The following TENM4 variants were observed in gnomAD, a reference collection of about 807,000 sequenced individuals.
TENM4 encodes the protein teneurin-4.
A neutral mutation model predicts 243.3 loss-of-function variants in TENM4; 82 were observed. That is an observed-to-expected ratio of 0.34 (90% confidence interval 0.28 to 0.40). The LOEUF is 0.40. TENM4 is among the 10% of genes least tolerant of loss of function. TENM4 has a pLI of 1.00. For missense variants in TENM4, 3,138 were observed against 3,673.3 expected (o/e 0.85, Z 3.77); for synonymous variants, 1,412 against 1,456.3 (o/e 0.97, Z 0.69).
intron 6 of TENM4, among the ~76,000 whole-genome samples, chr11:79,037,849 T>C (rs1256519000): frequency 6.6e-6 from 1 of 152,224 alleles, no homozygotes; most frequent in Non-Finnish European, 1.5e-5. Flanking sequence ...GAATTTGACC[T>C]GCATGAGAAT....
chr11:79,137,250 C>G (rs1191671326), intron 4 of TENM4, among the ~76,000 whole-genome samples: 1 of 152,084 alleles, frequency 6.6e-6, no homozygotes, highest in Non-Finnish European at 1.5e-5. Context: ...AGTCAACAGG[C>G]TAAGAAGGGA....
rs141423724 is a variant in TENM4 at position 79,332,668 on chromosome 11, C to G, written c.-320-35125G>C. On this transcript the variant is annotated intron_variant, in intron 1 of 33. Transcript: ENST00000278550. ...ATCCAATGTTGTTGTTCCCCCACTT[C>G]TCAGATAAATAAACTGAGACTAAGA... Among the ~76,000 whole-genome samples, 21 of 152,276 alleles carry G rather than the reference C, an allele frequency of 1.4e-4. No individual in the cohort carries two copies. In the East Asian group the frequency reaches 3.9e-3, roughly 28 times the overall value.
chr11:79,317,393 G>C (rs572958030), intron 1 of TENM4, among the ~76,000 whole-genome samples: 19 of 152,118 alleles, frequency 1.2e-4, no homozygotes, highest in Non-Finnish European at 1.9e-4. Flanking sequence ...TTCTGGGAAG[G>C]GGGGGTCAGG....
At chr11:78,734,397 T>TA (rs1029799604) in intron 20 of TENM4, among the ~76,000 whole-genome samples, 14 of 152,134 alleles carry the variant, frequency 9.2e-5, no homozygotes, top group African/African-American at 2.9e-4. Flanking sequence ...AGTTCCTACT[T>TA]ATGCAATTCC....
chr11:79,039,349 C>T (rs77497719), intron 6 of TENM4, among the ~76,000 whole-genome samples: 2,013 of 152,230 alleles, frequency 0.013, 46 homozygotes, highest in African/African-American at 0.047. Context: ...AAATCCCAGC[C>T]CCACACTTGC....
At chr11:79,396,077 TC>T (rs1858337997) in intron 1 of TENM4, among the ~76,000 whole-genome samples, 1 of 152,122 alleles carries the variant, frequency 6.6e-6, no homozygotes, top group African/African-American at 2.4e-5. Flanking sequence ...GCTCAGACCT[TC>T]CCCCTGCCTA....
At chr11:79,038,738 T>C (rs564500520) in intron 6 of TENM4, among the ~76,000 whole-genome samples, 20 of 152,344 alleles carry the variant, frequency 1.3e-4, no homozygotes, top group Non-Finnish European at 2.6e-4. Context: ...CTCTGGGCAC[T>C]AACTGCAGAA....
intron 2 of TENM4, among the ~76,000 whole-genome samples, chr11:79,275,854 T>A (rs754607824): frequency 3.3e-5 from 5 of 152,220 alleles, no homozygotes; most frequent in Non-Finnish European, 7.3e-5. Context: ...TAGACAGGCC[T>A]CCTGGTCCAG....
At chr11:78,849,058 C>T (rs1055199676) in intron 12 of TENM4, among the ~76,000 whole-genome samples, 6 of 152,202 alleles carry the variant, frequency 3.9e-5, no homozygotes, top group Non-Finnish European at 8.8e-5. Flanking sequence ...TCTAAATCCA[C>T]TGCAGGGCAC....
chr11:78,894,723 T>G (rs1855748220), intron 7 of TENM4, among the ~76,000 whole-genome samples: 1 of 152,206 alleles, frequency 6.6e-6, no homozygotes, highest in Non-Finnish European at 1.5e-5. Flanking sequence ...CCAGGTGCAG[T>G]GGCTCACACT....
intron 6 of TENM4, among the ~76,000 whole-genome samples, chr11:78,957,884 C>T (rs1305635258): frequency 1.3e-5 from 2 of 152,162 alleles, no homozygotes; most frequent in African/African-American, 2.4e-5. Flanking sequence ...ACCAGCTTTT[C>T]TTTGGTGGAA....
intron 1 of TENM4, among the ~76,000 whole-genome samples, chr11:79,430,587 G>A (rs1253648277): frequency 6.6e-6 from 1 of 152,220 alleles, no homozygotes; most frequent in Non-Finnish European, 1.5e-5. Flanking sequence ...GAAGACATTT[G>A]CATTTTTATT....
chr11:78,903,326 C>G lies in TENM4; in HGVS notation c.691G>C (p.Glu231Gln). ...CAGTTCTCCTGGGCGTGGGCAGGCTCCTGGGCGCCGCCGGCAGGGGGCTCT... is the reference window on the plus strand; with the variant it reads ...CAGTTCTCCTGGGCGTGGGCAGGCTGCTGGGCGCCGCCGGCAGGGGGCTCT... ...SGEPPAGGAQ[E>Q]PAHAQENWLL... The change falls in exon 7 of 34, where the codon GAG (glutamate) becomes CAG (glutamine). Residue 231 changes from glutamate to glutamine, a missense_variant. This residue lies in a region of TENM4 where 671 missense variants were observed against 614.1 expected (regional missense o/e 1.09). Coordinates refer to ENST00000278550, the MANE Select transcript of TENM4 (RefSeq NM_001098816.3). 6.7e-7 allele frequency: 1 copy of G among 1,483,280 alleles called. No individual in the cohort carries two copies. Among genetic ancestry groups the G allele is most frequent in the Non-Finnish European group, 8.9e-7 (1 of 1,118,324 alleles). The allele number at this position is 1,483,280 out of a possible 1,614,324, so 91.9% of individuals were successfully genotyped here. A position where few individuals can be genotyped will look rare whatever the true frequency, so the allele number is the denominator to read the frequency against.
intron 1 of TENM4, among the ~76,000 whole-genome samples, chr11:79,354,346 G>A (rs995006610): frequency 6.6e-6 from 1 of 152,116 alleles, no homozygotes; most frequent in Non-Finnish European, 1.5e-5. Flanking sequence ...GGAAGTCAAG[G>A]GAAATGAACA....
intron 12 of TENM4, among the ~76,000 whole-genome samples, chr11:78,843,276 C>T (rs1458453654): frequency 6.6e-6 from 1 of 151,368 alleles, no homozygotes; most frequent in Non-Finnish European, 1.5e-5. Context: ...GAGACTCTGT[C>T]TCAAAAACAT....
chr11:79,236,569 CGGAT>C (rs1470676624), intron 2 of TENM4, among the ~76,000 whole-genome samples: 1 of 152,114 alleles, frequency 6.6e-6, no homozygotes, highest in East Asian at 1.9e-4. Flanking sequence ...GTGCTTGTGT[CGGAT>C]GGTGAGCGAA....
intron 3 of TENM4, among the ~76,000 whole-genome samples, chr11:79,181,638 A>C (rs1863283043): frequency 6.6e-6 from 1 of 152,102 alleles, no homozygotes. Context: ...TAGATTGGGA[A>C]GAAAGAAATA....
chr11:79,126,990 C>T (rs1024363822), intron 4 of TENM4, among the ~76,000 whole-genome samples: 4 of 152,192 alleles, frequency 2.6e-5, no homozygotes, highest in East Asian at 1.9e-4. Context: ...TTAAAGTAGG[C>T]GCTTATGGAG....
intron 3 of TENM4, among the ~76,000 whole-genome samples, chr11:79,177,717 C>A (rs1384602656): frequency 1.3e-5 from 2 of 152,040 alleles, no homozygotes; most frequent in African/African-American, 2.4e-5. Context: ...CTGCAGGCAG[C>A]TAGGACAATA....
Sources: allele counts gnomAD v4.1 joint callset (sites outside exome capture counted in the v4.1 genomes callset), GRCh38; gene constraint gnomAD v4.1.1; regional missense constraint gnomAD v4.1.1; transcripts MANE v1.5; gene names NCBI Gene and HGNC (gene_info 2026-07-23, HGNC 2026-07-21).